Variants in ZNF407 observed in about 807,000 individuals in gnomAD.
The protein encoded by ZNF407 is zinc finger protein 407.
A neutral mutation model predicts 131.2 loss-of-function variants in ZNF407; 17 were observed. That is an observed-to-expected ratio of 0.13 (90% CI 0.09 to 0.19). The LOEUF is 0.19. Among genes scored for constraint, ZNF407 ranks in the 10% least tolerant of loss-of-function variants. The pLI is 1.00. For synonymous variants in ZNF407, 1,156 were observed against 1,062.0 expected, an observed-to-expected ratio of 1.09 and a Z score of -1.72; for missense variants, 2,681 against 2,830.6, an observed-to-expected ratio of 0.95 and a Z score of 1.20.
chr18:74,691,741 T>G (rs1255647137), intron 3 of ZNF407, among the ~76,000 whole-genome samples: 2 of 152,188 alleles, frequency 1.3e-5, no homozygotes, highest in African/African-American at 4.8e-5. Context: ...TTTTTCTTGC[T>G]GTTTTGGGTG....
intron 8 of ZNF407, among the ~76,000 whole-genome samples, chr18:75,034,532 G>C (rs1014518737): frequency 3.3e-5 from 5 of 151,346 alleles, no homozygotes; most frequent in Admixed American, 3.3e-4. Context: ...TCGATCTCCT[G>C]ACCTCGTGAT....
At chr18:74,700,387 A>G (rs1039794751) in intron 3 of ZNF407, among the ~76,000 whole-genome samples, 1 of 152,220 alleles carries the variant, frequency 6.6e-6, no homozygotes, top group African/African-American at 2.4e-5. Context: ...ACTGCTTTCT[A>G]ATAAGATGGT....
chr18:74,610,814 G>A (rs1255603699), intron 1 of ZNF407, among the ~76,000 whole-genome samples: 2 of 151,988 alleles, frequency 1.3e-5, no homozygotes, highest in East Asian at 1.9e-4. Context: ...TCAGCCTCCC[G>A]AAGTGCTGAT....
chr18:75,029,712 A>G (rs1448700019), intron 8 of ZNF407, among the ~76,000 whole-genome samples: 1 of 152,214 alleles, frequency 6.6e-6, no homozygotes, highest in African/African-American at 2.4e-5. Context: ...TGCTAGTTGT[A>G]GCATGTGACT....
At chr18:74,866,906 CTCCGGCTG>C (rs1971019088) in intron 4 of ZNF407, among the ~76,000 whole-genome samples, 3 of 146,066 alleles carry the variant, frequency 2.1e-5, no homozygotes, top group African/African-American at 7.6e-5. Context: ...GTCCCAGCTA[CTCCGGCTG>C]AGGCTGGAGG....
At chr18:74,603,625 G>A (rs552466019) in intron 1 of ZNF407, among the ~76,000 whole-genome samples, 7 of 152,332 alleles carry the variant, frequency 4.6e-5, no homozygotes, top group African/African-American at 1.7e-4. Flanking sequence ...CAGTCTGTTG[G>A]TGAGACACCA....
At chr18:74,870,908 A>G (rs1045015275) in intron 4 of ZNF407, among the ~76,000 whole-genome samples, 6 of 152,216 alleles carry the variant, frequency 3.9e-5, no homozygotes, top group Non-Finnish European at 8.8e-5. Context: ...TTATTTGGGT[A>G]TATTTAATGT....
intron 3 of ZNF407, among the ~76,000 whole-genome samples, chr18:74,761,530 A>G (rs1378954554): frequency 2.6e-5 from 4 of 152,172 alleles, no homozygotes; most frequent in African/African-American, 9.7e-5. Context: ...TAGTTGATCA[A>G]ATGTTAGAAC....
Position 74,632,337 on chromosome 18 carries a change from G to T in ZNF407, c.1318G>T (p.Ala440Ser), listed in dbSNP as rs1486651778. 1 of 1,613,988 alleles carries T rather than the reference G, an allele frequency of 6.2e-7. No individual in the cohort carries two copies. The highest frequency in any genetic ancestry group is 1.7e-5 in the Admixed American group (1 of 60,026). The change falls in exon 2 of 9, where the codon GCA (alanine) becomes TCA (serine). Residue 440 changes from alanine to serine, a missense_variant. Ala to Ser is a moderately conservative substitution (Grantham distance 99). Around this residue, in one of 6 missense-constraint regions of ZNF407, gnomAD observed 1,789 missense variants for 1,748.7 expected, o/e 1.02. Coordinates refer to ENST00000299687, the MANE Select transcript of ZNF407 (RefSeq NM_017757.3). ...RSSTFTLKGQ[A>S]KKRFNLLGIK... ...CAGCACTTTCACCTTGAAGGGCCAG[G>T]CAAAGAAAAGGTTTAATCTTTTAGG...
Position 74,703,648 on chromosome 18 carries a change from G to A in ZNF407, c.4802+62526G>A, listed in dbSNP as rs989632523. 6.6e-6 allele frequency among the ~76,000 whole-genome samples: 1 copy of A among 152,054 alleles called. No individual in the cohort carries two copies. Among genetic ancestry groups the A allele is most frequent in the African/African-American group, 2.4e-5 (1 of 41,400 alleles). Reference sequence around the variant, plus strand: ...CCCAAAGTGCTGGGATTACAGTTGTGAGCCACCGTGCCCAGCCTAGATCTC... The same window carrying A: ...CCCAAAGTGCTGGGATTACAGTTGTAAGCCACCGTGCCCAGCCTAGATCTC... On this transcript the variant is annotated intron_variant, in intron 3 of 8. Transcript: ENST00000299687. This position sits in a 1 kb window ranked among gnomAD's most constrained non-coding sequence, Gnocchi z 4.1.
intron 4 of ZNF407, among the ~76,000 whole-genome samples, chr18:74,857,797 A>C (rs561286386): frequency 1.3e-5 from 2 of 151,924 alleles, no homozygotes; most frequent in Non-Finnish European, 2.9e-5. Flanking sequence ...ATTTGGTTAT[A>C]TTTTATGTTG....
rs1470109762 is a variant in ZNF407, at chr18:74,634,973, T to A, written c.3954T>A (p.Phe1318Leu). Residue 1318 changes from phenylalanine (F) to leucine (L), a missense_variant, in exon 2 of 9, where the codon TTT becomes TTA. Phe to Leu is a conservative substitution (Grantham distance 22). Coordinates refer to ENST00000299687, the MANE Select transcript of ZNF407 (RefSeq NM_017757.3). Reference protein sequence around the residue: ...ILMNSQHETEFILEEDGPASD... With the variant: ...ILMNSQHETELILEEDGPASD... ...TGAATTCACAACATGAAACAGAATT[T>A]ATTTTGGAGGAGGATGGCCCAGCTT... 1 of 1,613,902 alleles carries A rather than the reference T, an allele frequency of 6.2e-7. No homozygotes were observed. Among genetic ancestry groups the A allele is most frequent in the South Asian group, 1.1e-5 (1 of 91,092 alleles).
intron 4 of ZNF407, among the ~76,000 whole-genome samples, chr18:74,842,987 A>G (rs900616551): frequency 7.2e-5 from 11 of 152,164 alleles, no homozygotes; most frequent in African/African-American, 2.7e-4. Context: ...AAGTGCTGGA[A>G]TTACAGGCAT....
At chr18:74,995,704 G>A (rs767469167) in intron 8 of ZNF407, among the ~76,000 whole-genome samples, 20 of 152,106 alleles carry the variant, frequency 1.3e-4, no homozygotes, top group Non-Finnish European at 2.4e-4. Flanking sequence ...ACAATGCTGG[G>A]CCCTTCCTCT....
chr18:75,011,447 C>G (rs375054549), intron 8 of ZNF407, among the ~76,000 whole-genome samples: 1 of 152,058 alleles, frequency 6.6e-6, no homozygotes, highest in East Asian at 1.9e-4. Context: ...TTGATTCAGC[C>G]ATTCTCTTAC....
intron 3 of ZNF407, among the ~76,000 whole-genome samples, chr18:74,745,146 A>G (rs1003803270): frequency 2.0e-5 from 3 of 152,168 alleles, no homozygotes; most frequent in Non-Finnish European, 2.9e-5. Context: ...TCTTAAGATC[A>G]GTTTTAAAAA....
chr18:74,904,318 T>A (rs1254080935), intron 7 of ZNF407, among the ~76,000 whole-genome samples: 12 of 152,220 alleles, frequency 7.9e-5, no homozygotes. Flanking sequence ...CTCTTCTCCT[T>A]CTTTATACCA....
intron 4 of ZNF407, among the ~76,000 whole-genome samples, chr18:74,832,479 G>A (rs947323384): frequency 6.6e-6 from 1 of 151,010 alleles, no homozygotes; most frequent in East Asian, 1.9e-4. Context: ...TTTTGAGATA[G>A]GGTCTCACTC....
chr18:75,063,000 T>C, intron 8 of ZNF407, 150 bp from the exon 9 acceptor site: 1 of 693,934 alleles, frequency 1.4e-6, no homozygotes, highest in Non-Finnish European at 2.4e-6. Flanking sequence ...CTGGCCCTGC[T>C]GAAGCTTGCA....
Sources: allele counts gnomAD v4.1 joint callset (sites outside exome capture counted in the v4.1 genomes callset), GRCh38; gene constraint gnomAD v4.1.1; regional missense constraint gnomAD v4.1.1; non-coding constraint Gnocchi (gnomAD v3.1); transcripts MANE v1.5; gene names NCBI Gene and HGNC (gene_info 2026-07-23, HGNC 2026-07-21).